INSYN2B: variants seen among roughly 807,000 people sequenced by gnomAD.
The protein encoded by INSYN2B is inhibitory synaptic factor family member 2B, also known as protein INSYN2B.
Under a neutral mutation model 41.2 loss-of-function variants are expected in INSYN2B, and 16 were observed. The observed-to-expected ratio is 0.39, with a 90% CI of 0.26 to 0.59. The LOEUF (loss-of-function observed/expected upper bound fraction) is 0.59, where lower values mean the gene tolerates loss of function less well. Among genes scored for constraint, INSYN2B ranks in the 20% least tolerant of loss-of-function variants. The pLI, the probability that INSYN2B is intolerant of heterozygous loss-of-function variation, is 0.57. For missense variants in INSYN2B, 608 were observed against 646.4 expected (o/e 0.94, Z 0.64); for synonymous variants, 245 against 244.4 (o/e 1.00, Z -0.02).
intron 3 of INSYN2B, among the ~76,000 whole-genome samples, chr5:169,879,307 C>T (rs1028687746): frequency 1.6e-4 from 24 of 152,172 alleles, no homozygotes; most frequent in African/African-American, 4.8e-4. Flanking sequence ...CTTATTCATT[C>T]GTTTCTAAGA....
chr5:169,972,697 A>G (rs1403969286), intron 1 of INSYN2B, among the ~76,000 whole-genome samples: 1 of 152,198 alleles, frequency 6.6e-6, no homozygotes. Flanking sequence ...CATACCTGAC[A>G]TAGCTCCTTA....
At chr5:169,902,434 G>A (rs1773980078) in intron 1 of INSYN2B, among the ~76,000 whole-genome samples, 1 of 152,180 alleles carries the variant, frequency 6.6e-6, no homozygotes, top group Non-Finnish European at 1.5e-5. Flanking sequence ...AGTCCAGCAG[G>A]GCCTTGTGCT....
intron 1 of INSYN2B, among the ~76,000 whole-genome samples, chr5:169,976,063 T>C (rs1354510333): frequency 6.6e-6 from 1 of 152,238 alleles, no homozygotes; most frequent in Non-Finnish European, 1.5e-5. Context: ...TCAGCTTTTA[T>C]GGAGGGGGTG....
chr5:169,903,241 A>G (rs1275506873), intron 1 of INSYN2B, among the ~76,000 whole-genome samples: 1 of 150,968 alleles, frequency 6.6e-6, no homozygotes, highest in Non-Finnish European at 1.5e-5. Flanking sequence ...CGCACCTATT[A>G]ATAGCCAGTG....
chr5:169,902,301 A>G (rs1250468175), intron 1 of INSYN2B, among the ~76,000 whole-genome samples: 9 of 152,244 alleles, frequency 5.9e-5, no homozygotes, highest in African/African-American at 2.2e-4. Flanking sequence ...GTGACTGTGG[A>G]CGAGGCCATC....
chr5:169,868,571 C>A (rs1039168867), intron 3 of INSYN2B, among the ~76,000 whole-genome samples: 1 of 152,118 alleles, frequency 6.6e-6, no homozygotes, highest in Non-Finnish European at 1.5e-5. Flanking sequence ...CCAGCCTGGG[C>A]AACATAGCGA....
At position 169,945,333 on chromosome 5, in the gene INSYN2B, CAT is replaced by C. The variant is rs76678513; in HGVS notation, c.-919+34942_-919+34943del. Among the ~76,000 whole-genome samples the C allele has an allele frequency of 8.0e-3, 1,212 of 152,338 alleles. 61 individuals carry two copies. The East Asian group carries it at 0.13, about 17-fold the overall frequency. On this transcript the variant is annotated intron_variant, in intron 1 of 3. Transcript: ENST00000377365. Reference sequence around the variant, plus strand: ...TCTCTTCTCTCCTCTAGTTAGAAGACATATATAATTTTGGGCAGAGAGCTCAA... The same window carrying C: ...TCTCTTCTCTCCTCTAGTTAGAAGACATATAATTTTGGGCAGAGAGCTCAA...
At chr5:169,929,328 A>G (rs541779210) in intron 1 of INSYN2B, among the ~76,000 whole-genome samples, 31 of 152,184 alleles carry the variant, frequency 2.0e-4, no homozygotes, top group Non-Finnish European at 3.7e-4. Context: ...CACATGGGTA[A>G]GACTCAGACA....
At chr5:169,942,090 C>T (rs1776266630) in intron 1 of INSYN2B, among the ~76,000 whole-genome samples, 1 of 152,172 alleles carries the variant, frequency 6.6e-6, no homozygotes. Flanking sequence ...TCTCTAATTT[C>T]TTTTTTCTTT....
chr5:169,899,820 A>G lies in INSYN2B; in HGVS notation c.-918-15004T>C, dbSNP rs147640017. Among the ~76,000 whole-genome samples the G allele has an allele frequency of 5.4e-3, 826 of 152,266 alleles. 11 individuals carry two copies. The highest frequency in any genetic ancestry group is 0.016 in the African/African-American group (670 of 41,554). On this transcript the variant is annotated intron_variant, in intron 1 of 3. Coordinates refer to ENST00000377365, the MANE Select transcript of INSYN2B (RefSeq NM_001129891.3). The stretch of plus-strand genomic sequence containing the variant: ...CCTTTTGTTGACTCCATAAGTTTTT[A>G]TTCTTACTTTCTTTACTCTCAGATT...
At chr5:169,969,581 T>G (rs897097236) in intron 1 of INSYN2B, among the ~76,000 whole-genome samples, 4 of 152,076 alleles carry the variant, frequency 2.6e-5, no homozygotes. Context: ...GAATTCAGAG[T>G]GGACAGCTTT....
At chr5:169,906,401 T>A (rs1478954689) in intron 1 of INSYN2B, among the ~76,000 whole-genome samples, 1 of 152,214 alleles carries the variant, frequency 6.6e-6, no homozygotes, top group Non-Finnish European at 1.5e-5. Context: ...ACCACCATCA[T>A]TTGGGCTTGG....
Position 169,883,873 on chromosome 5 carries a change from C to A in INSYN2B, c.26G>T (p.Arg9Ile). Residue 9 changes from arginine (R) to isoleucine (I), a missense_variant, in exon 2 of 4, where the codon AGA (arginine) becomes ATA (isoleucine). Physicochemically the swap from Arg to Ile is moderately conservative, Grantham distance 97. Coordinates refer to ENST00000377365, the MANE Select transcript of INSYN2B (RefSeq NM_001129891.3). MAQQNMKV[R>I]PVLLKRNSLE... is the part of the protein sequence containing the mutation. ...ACTGTTACGCTTTAGAAGCACAGGTCTCACTTTCATATTTTGCTGGGCCAT... is the reference window on the plus strand; with the variant it reads ...ACTGTTACGCTTTAGAAGCACAGGTATCACTTTCATATTTTGCTGGGCCAT... 6.6e-7 allele frequency: 1 copy of A among 1,514,774 alleles called. No homozygotes were observed. Among genetic ancestry groups the A allele is most frequent in the South Asian group, 1.3e-5 (1 of 78,084 alleles). The allele number at this position is 1,514,774 out of a possible 1,614,324, so 93.8% of individuals were successfully genotyped here.
chr5:169,972,590 A>AGATAGATAGAT (rs1561859836), intron 1 of INSYN2B, among the ~76,000 whole-genome samples: 5 of 116,298 alleles, frequency 4.3e-5, no homozygotes, highest in Admixed American at 8.2e-5. Context: ...GATAGATGAT[A>AGATAGATAGAT]GATAGATAGA....
chr5:169,972,538 GAGAC>G (rs1312908234), intron 1 of INSYN2B, among the ~76,000 whole-genome samples: 4 of 129,400 alleles, frequency 3.1e-5, no homozygotes, highest in Admixed American at 1.6e-4. Context: ...GAGCCACTGT[GAGAC>G]AGATAGATAG....
intron 1 of INSYN2B, among the ~76,000 whole-genome samples, chr5:169,923,307 T>C (rs1775274177): frequency 6.6e-6 from 1 of 152,252 alleles, no homozygotes; most frequent in Non-Finnish European, 1.5e-5. Context: ...TTCTTTGTAC[T>C]TTCATATATT....
At chr5:169,920,780 G>T (rs112259697) in intron 1 of INSYN2B, among the ~76,000 whole-genome samples, 9 of 152,304 alleles carry the variant, frequency 5.9e-5, no homozygotes, top group African/African-American at 2.2e-4. Flanking sequence ...TTACAGGAAA[G>T]CCTAAGAGCT....
rs560347824 is a variant in INSYN2B, at chr5:169,961,741, G to A, written c.-919+18536C>T. ...GCCCGTAATCCCAGCACTTTGGGAG[G>A]CCGAGGTGGGCAGATTACTAGAAGT... On this transcript the variant is annotated intron_variant, in intron 1 of 3. Coordinates refer to ENST00000377365, the MANE Select transcript of INSYN2B (RefSeq NM_001129891.3). Among the ~76,000 whole-genome samples, 52 of 152,214 alleles carry A rather than the reference G, an allele frequency of 3.4e-4. 1 individual carries two copies. Among genetic ancestry groups the A allele is most frequent in the East Asian group, 2.5e-3 (13 of 5,174 alleles).
At chr5:169,890,714 A>G (rs1773231149) in intron 1 of INSYN2B, among the ~76,000 whole-genome samples, 3 of 152,180 alleles carry the variant, frequency 2.0e-5, no homozygotes, top group South Asian at 4.1e-4. Flanking sequence ...CCAGACTTAT[A>G]TATTTGGGAC....
Sources: gnomAD v4.1 joint callset for allele counts (sites outside exome capture counted in the v4.1 genomes callset) on GRCh38, gnomAD v4.1.1 for gene constraint, MANE v1.5 for transcripts, NCBI Gene and HGNC (gene_info 2026-07-23, HGNC 2026-07-21) for gene names.